The following SRRM4 variants were observed in gnomAD, a reference collection of about 807,000 sequenced individuals.
SRRM4 encodes serine/arginine repetitive matrix protein 4.
A neutral mutation model predicts 68.9 loss-of-function variants in SRRM4; 33 were observed. The ratio of observed to expected loss-of-function variants is 0.48; its 90% CI spans 0.36 to 0.64. SRRM4 has a LOEUF of 0.64. Among genes scored for constraint, SRRM4 ranks in the 30% least tolerant of loss-of-function variants. SRRM4 has a pLI of 0.00. For synonymous variants in SRRM4, 318 were observed against 318.8 expected (o/e 1.00, Z 0.03); for missense variants, 817 against 827.1 (o/e 0.99, Z 0.15).
In SRRM4 at chr12:119,125,920, C is replaced by CAAAACA. The variant is rs574797846; in HGVS notation, c.614+461_614+466dup. 3.4e-3 allele frequency among the ~76,000 whole-genome samples: 493 copies of CAAAACA among 146,662 alleles called. 3 individuals carry two copies. The highest frequency in any genetic ancestry group is 0.012 in the African/African-American group (468 of 39,632). On this transcript the variant is annotated intron_variant, in intron 7 of 12. Coordinates refer to ENST00000267260, the MANE Select transcript of SRRM4 (RefSeq NM_194286.4). ...TGGGTGACAGAACAAGACTCCATCT[C>CAAAACA]AAAACAAAAACAAAAACAAAAACAA...
chr12:119,115,682 A>C (rs1483195123), intron 3 of SRRM4, among the ~76,000 whole-genome samples: 1 of 152,118 alleles, frequency 6.6e-6, no homozygotes, highest in Non-Finnish European at 1.5e-5. Context: ...GGATTTCCTA[A>C]TTTGAGGGGT....
chr12:119,084,761 C>G (rs1953969626), intron 1 of SRRM4, among the ~76,000 whole-genome samples: 1 of 152,018 alleles, frequency 6.6e-6, no homozygotes, highest in Non-Finnish European at 1.5e-5. Context: ...ATTGTGCACA[C>G]AAAGAAGGGA....
chr12:119,123,534 A>G (rs1954236954), intron 6 of SRRM4, among the ~76,000 whole-genome samples: 1 of 152,056 alleles, frequency 6.6e-6, no homozygotes, highest in African/African-American at 2.4e-5. Flanking sequence ...CTGCCTGCGT[A>G]AGGGGAGCAA....
Position 119,122,171 on chromosome 12 carries a change from T to C in SRRM4, c.515+51T>C, listed in dbSNP as rs1954223959. On this transcript the variant is annotated intron_variant, in intron 6 of 12. Transcript: ENST00000267260. ...CTCATCAGTTTGAGGAGTTGGGGCA[T>C]CTGGCTTCTTAAAAGCCAGAGTCTT... The C allele has an allele frequency of 2.3e-6, 3 of 1,302,446 alleles. No homozygotes were observed. In the African/African-American group the frequency reaches 4.4e-5, roughly 19 times the overall value. 80.7% of individuals were successfully genotyped at this position (1,302,446 alleles called of 1,614,324 possible). A position where few individuals can be genotyped will look rare whatever the true frequency, so the allele number is the denominator to read the frequency against.
intron 8 of SRRM4, among the ~76,000 whole-genome samples, chr12:119,143,231 CAT>C (rs1170746392): frequency 1.3e-5 from 2 of 152,216 alleles, no homozygotes; most frequent in Non-Finnish European, 2.9e-5. Context: ...GTTTCACCCT[CAT>C]GACCAATTGC....
intron 2 of SRRM4, among the ~76,000 whole-genome samples, chr12:119,111,204 G>A (rs1565910468): frequency 6.6e-6 from 1 of 152,190 alleles, no homozygotes; most frequent in Non-Finnish European, 1.5e-5. Context: ...CAAGCATTAT[G>A]TACTTAACCC....
intron 8 of SRRM4, among the ~76,000 whole-genome samples, chr12:119,136,329 G>A (rs1370817085): frequency 6.6e-6 from 1 of 152,192 alleles, no homozygotes; most frequent in Non-Finnish European, 1.5e-5. Context: ...TGCACATTCT[G>A]CAAAGCCTTT....
At chr12:119,142,690 G>C (rs74580352) in intron 8 of SRRM4, among the ~76,000 whole-genome samples, 3 of 152,104 alleles carry the variant, frequency 2.0e-5, no homozygotes, top group Non-Finnish European at 4.4e-5. Flanking sequence ...CTCCAGGATG[G>C]GCTTGTTGGA....
intron 1 of SRRM4, among the ~76,000 whole-genome samples, chr12:118,983,080 A>T (rs1236089061): frequency 1.3e-5 from 2 of 152,180 alleles, no homozygotes; most frequent in Non-Finnish European, 2.9e-5. Flanking sequence ...ATTAGGGAGC[A>T]GATTGAAAAC....
chr12:118,982,208 C>A (rs911072456), intron 1 of SRRM4, among the ~76,000 whole-genome samples, 195 bp downstream of exon 1: 1 of 152,154 alleles, frequency 6.6e-6, no homozygotes, highest in Non-Finnish European at 1.5e-5. Flanking sequence ...GACAGGAATT[C>A]TTTGGGGGAA....
intron 8 of SRRM4, among the ~76,000 whole-genome samples, chr12:119,133,361 GTAGCAGTGGTAA>G (rs923590407): frequency 3.9e-5 from 6 of 152,214 alleles, no homozygotes; most frequent in Non-Finnish European, 8.8e-5. Context: ...CACAATAGTA[GTAGCAGTGGTAA>G]TAGCAGTGGT....
At chr12:119,103,750 C>A (rs1954090613) in intron 2 of SRRM4, among the ~76,000 whole-genome samples, 1 of 152,206 alleles carries the variant, frequency 6.6e-6, no homozygotes, top group African/African-American at 2.4e-5. Context: ...CGCCTGTAAT[C>A]CCAACACTTT....
chr12:119,042,407 G>A (rs562018766), intron 1 of SRRM4, among the ~76,000 whole-genome samples: 48 of 152,032 alleles, frequency 3.2e-4, no homozygotes, highest in Admixed American at 1.0e-3. Context: ...TAGGAGAGAT[G>A]CTATGGAAAT....
chr12:119,150,231 G>A (rs1354345410), intron 9 of SRRM4, among the ~76,000 whole-genome samples: 2 of 152,156 alleles, frequency 1.3e-5, no homozygotes, highest in African/African-American at 4.8e-5. Flanking sequence ...CAGCACTTTG[G>A]GAGGCCAAGG....
At position 119,112,157 on chromosome 12, in the gene SRRM4, T is replaced by C. The variant is rs142874623; in HGVS notation, c.279-2121T>C. The stretch of plus-strand genomic sequence containing the variant: ...CCTTGTGCTTTATAACATATAAGTG[T>C]AGTTAAGTAGTTAGGTACTTAATTC... On this transcript the variant is annotated intron_variant, in intron 2 of 12. Coordinates refer to ENST00000267260, the MANE Select transcript of SRRM4 (RefSeq NM_194286.4). Among the ~76,000 whole-genome samples, 54 of 152,338 alleles carry C rather than the reference T, an allele frequency of 3.5e-4. 1 individual carries two copies. The highest frequency in any genetic ancestry group is 1.6e-3 in the Admixed American group (25 of 15,302).
chr12:119,051,844 G>A (rs1189262522), intron 1 of SRRM4, among the ~76,000 whole-genome samples: 1 of 152,206 alleles, frequency 6.6e-6, no homozygotes, highest in African/African-American at 2.4e-5. Context: ...GGTGAATGCT[G>A]CTTTACAGCA....
At position 118,985,689 on chromosome 12, in the gene SRRM4, T is replaced by C. The variant is rs576566032; in HGVS notation, c.131+3676T>C. On this transcript the variant is annotated intron_variant, in intron 1 of 12. Coordinates refer to ENST00000267260, the MANE Select transcript of SRRM4 (RefSeq NM_194286.4). ...TATCCCCATCCAAGAAGGGTAGTCA[T>C]TTTGCCTGGCATTAACTTAATTCTC... Among the ~76,000 whole-genome samples the C allele has an allele frequency of 2.0e-5, 3 of 152,282 alleles. No individual in the cohort carries two copies. In the South Asian group the frequency reaches 6.2e-4, roughly 32 times the overall value.
At chr12:119,058,015 C>A (rs1397860937) in intron 1 of SRRM4, among the ~76,000 whole-genome samples, 1 of 152,054 alleles carries the variant, frequency 6.6e-6, no homozygotes, top group Non-Finnish European at 1.5e-5. Context: ...TCTTGACCTA[C>A]AGATTTAAAA....
intron 1 of SRRM4, 123 bp downstream of exon 1, chr12:118,982,136 C>T: frequency 8.2e-7 from 1 of 1,220,374 alleles, no homozygotes. Flanking sequence ...CGTCACTACT[C>T]GGCGGCTCCC....
Sources: allele counts gnomAD v4.1 joint callset (sites outside exome capture counted in the v4.1 genomes callset), GRCh38; gene constraint gnomAD v4.1.1; transcripts MANE v1.5; gene names NCBI Gene and HGNC (gene_info 2026-07-23, HGNC 2026-07-21).